RNF152: variants seen among roughly 807,000 people sequenced by gnomAD.
RNF152 encodes the protein E3 ubiquitin-protein ligase RNF152.
In RNF152, 11 loss-of-function variants were observed where a neutral mutation model predicts 12.7. That is an observed-to-expected ratio of 0.86 (90% CI 0.54 to 1.43). The LOEUF (loss-of-function observed/expected upper bound fraction) is 1.43. RNF152 is among the 40% of genes most tolerant of loss of function. The pLI is 0.00. For synonymous variants in RNF152, 113 were observed against 120.3 expected (o/e 0.94, Z 0.40); for missense variants, 255 against 274.8 (o/e 0.93, Z 0.51).
rs1424625955 is a variant in RNF152, at chr18:61,814,881, C to T, written c.*971G>A. 1.3e-5 allele frequency: 2 copies of T among 152,126 alleles called. No individual in the cohort carries two copies. The highest frequency in any genetic ancestry group is 2.1e-4 in the South Asian group (1 of 4,830). 9.4% of individuals were successfully genotyped at this position (152,126 alleles called of 1,614,324 possible). A position where few individuals can be genotyped will look rare whatever the true frequency, so the allele number is the denominator to read the frequency against. On this transcript the variant is annotated 3_prime_UTR_variant, in exon 2 of 2. Coordinates refer to ENST00000312828, the MANE Select transcript of RNF152 (RefSeq NM_173557.3). ...AGGACTTAAATACACAGAAGAGGAG[C>T]GAGTGTTGCAGGTGACGTGTAGGAG...
Position 61,851,098 on chromosome 18 carries a change from A to AG in RNF152, c.-135-34501_-135-34500insC, listed in dbSNP as rs1207674350. Reference sequence around the variant, plus strand: ...CTGATATCCACAATGATTAAAAAAAAAAAAAAAAAACTTATGATCTGACTG... The same window carrying AG: ...CTGATATCCACAATGATTAAAAAAAAGAAAAAAAAAACTTATGATCTGACTG... On this transcript the variant is annotated intron_variant, in intron 1 of 1. Coordinates refer to ENST00000312828, the MANE Select transcript of RNF152 (RefSeq NM_173557.3). 3.1e-4 allele frequency among the ~76,000 whole-genome samples: 47 copies of AG among 151,968 alleles called. 1 individual carries two copies. Among genetic ancestry groups the AG allele is most frequent in the African/African-American group, 1.1e-3 (45 of 41,396 alleles).
intron 1 of RNF152, among the ~76,000 whole-genome samples, chr18:61,876,034 A>G (rs958246004): frequency 2.6e-5 from 4 of 152,012 alleles, no homozygotes; most frequent in Non-Finnish European, 4.4e-5. Context: ...ATCCTTTTTC[A>G]TACTATTCCT....
chr18:61,852,063 G>A (rs1274488719), intron 1 of RNF152, among the ~76,000 whole-genome samples: 1 of 152,152 alleles, frequency 6.6e-6, no homozygotes, highest in East Asian at 1.9e-4. Flanking sequence ...GAGCCAGCCA[G>A]GGGGCACATG....
intron 1 of RNF152, chr18:61,889,004 G>A (rs1268740067): frequency 2.6e-5 from 4 of 152,220 alleles, no homozygotes; most frequent in Non-Finnish European, 4.4e-5. Flanking sequence ...CTAGTCCCTC[G>A]GGGCTTTCAT....
intron 1 of RNF152, among the ~76,000 whole-genome samples, chr18:61,846,013 C>T (rs376041142): frequency 7.9e-5 from 12 of 152,234 alleles, no homozygotes; most frequent in African/African-American, 2.6e-4. Flanking sequence ...CTCGTTCCAC[C>T]ATGTGAGGAC....
chr18:61,883,172 CAG>C (rs1274393689), intron 1 of RNF152, among the ~76,000 whole-genome samples: 1 of 152,180 alleles, frequency 6.6e-6, no homozygotes, highest in Non-Finnish European at 1.5e-5. Context: ...ATGCATGTCT[CAG>C]AGGCCTCTTG....
At chr18:61,859,961 C>A (rs951732484) in intron 1 of RNF152, among the ~76,000 whole-genome samples, 2 of 152,126 alleles carry the variant, frequency 1.3e-5, no homozygotes, top group African/African-American at 2.4e-5. Context: ...CGGGTCACTG[C>A]AGATGTCATT....
chr18:61,852,185 C>A (rs1222777114), intron 1 of RNF152, among the ~76,000 whole-genome samples: 1 of 152,188 alleles, frequency 6.6e-6, no homozygotes, highest in African/African-American at 2.4e-5. Context: ...ATGATTATTT[C>A]TCCTCCAAAC....
chr18:61,879,368 G>A (rs1344983966), intron 1 of RNF152, among the ~76,000 whole-genome samples: 1 of 152,118 alleles, frequency 6.6e-6, no homozygotes, highest in East Asian at 1.9e-4. Flanking sequence ...AAGTGCATAG[G>A]TTATATGCAA....
intron 1 of RNF152, among the ~76,000 whole-genome samples, chr18:61,825,139 A>T (rs570544454): frequency 2.6e-5 from 4 of 152,350 alleles, no homozygotes; most frequent in Admixed American, 6.5e-5. Flanking sequence ...GCAGATATTT[A>T]TTGTGAACTC....
rs74845201 is a variant in RNF152, at chr18:61,857,427, T to C, written c.-136+35368A>G. Among the ~76,000 whole-genome samples, 997 of 152,272 alleles carry C rather than the reference T, an allele frequency of 6.5e-3. 13 individuals carry two copies. Among genetic ancestry groups the C allele is most frequent in the African/African-American group, 0.023 (945 of 41,548 alleles). ...TTTGCCTTGGAACTGCTTTAGAACCTTTAGGGCCTCAGAATAGTCTAGTTT... is the reference window on the plus strand; with the variant it reads ...TTTGCCTTGGAACTGCTTTAGAACCCTTAGGGCCTCAGAATAGTCTAGTTT... On this transcript the variant is annotated intron_variant, in intron 1 of 1. Transcript: ENST00000312828.
chr18:61,879,522 G>A (rs1173091425), intron 1 of RNF152, among the ~76,000 whole-genome samples: 6 of 152,066 alleles, frequency 3.9e-5, no homozygotes, highest in Admixed American at 2.0e-4. Flanking sequence ...TGTGTTTTGC[G>A]GGAGGGCAGA....
At chr18:61,867,090 G>C (rs529602096) in intron 1 of RNF152, among the ~76,000 whole-genome samples, 2 of 152,230 alleles carry the variant, frequency 1.3e-5, no homozygotes, top group South Asian at 4.1e-4. Flanking sequence ...AGCTGAAGTA[G>C]GAAGAAAGCC....
intron 1 of RNF152, among the ~76,000 whole-genome samples, chr18:61,845,042 C>A (rs912670412): frequency 4.6e-5 from 7 of 152,118 alleles, no homozygotes; most frequent in Non-Finnish European, 7.4e-5. Context: ...TATACAAGTG[C>A]AGAGGCTGAG....
intron 1 of RNF152, among the ~76,000 whole-genome samples, chr18:61,878,075 A>T (rs1293828552): frequency 6.6e-6 from 1 of 152,244 alleles, no homozygotes; most frequent in Non-Finnish European, 1.5e-5. Flanking sequence ...GAACGAGGGT[A>T]GAAAAGGCAT....
chr18:61,854,805 G>A (rs1230140631), intron 1 of RNF152, among the ~76,000 whole-genome samples: 4 of 152,112 alleles, frequency 2.6e-5, no homozygotes, highest in African/African-American at 7.2e-5. Context: ...AGCAAAGCTC[G>A]CTGCCAAGCT....
intron 1 of RNF152, among the ~76,000 whole-genome samples, chr18:61,889,625 T>C (rs1480751071): frequency 1.3e-5 from 2 of 152,236 alleles, no homozygotes; most frequent in East Asian, 1.9e-4. Flanking sequence ...GGTGTTCTAC[T>C]AGTCCTGTGA....
intron 1 of RNF152, among the ~76,000 whole-genome samples, chr18:61,850,131 G>A (rs1045163042): frequency 6.6e-6 from 1 of 152,180 alleles, no homozygotes; most frequent in Non-Finnish European, 1.5e-5. Flanking sequence ...GAAAAGACAC[G>A]AGTCTGGAAT....
chr18:61,885,804 C>T (rs1912665232), intron 1 of RNF152, among the ~76,000 whole-genome samples: 1 of 151,952 alleles, frequency 6.6e-6, no homozygotes, highest in Non-Finnish European at 1.5e-5. Flanking sequence ...GTATTGAAGC[C>T]TTTAATTATA....
Sources: allele counts gnomAD v4.1 joint callset (sites outside exome capture counted in the v4.1 genomes callset), GRCh38; gene constraint gnomAD v4.1.1; transcripts MANE v1.5; gene names NCBI Gene and HGNC (gene_info 2026-07-23, HGNC 2026-07-21).